ASCC3: variants seen among roughly 807,000 people sequenced by gnomAD.
ASCC3 encodes the protein ASC-1 complex subunit P200.
ASCC3 carries 158 observed loss-of-function variants against 256.3 expected under a neutral mutation model. The ratio of observed to expected loss-of-function variants is 0.62; its 90% CI spans 0.54 to 0.70. The LOEUF (loss-of-function observed/expected upper bound fraction) is 0.70, where lower values mean the gene tolerates loss of function less well. Among genes scored for constraint, ASCC3 ranks in the 30% least tolerant of loss-of-function variants. The pLI, the probability that ASCC3 is intolerant of heterozygous loss-of-function variation, is 0.00. For synonymous variants in ASCC3, 948 were observed against 883.4 expected (o/e 1.07, Z -1.30); for missense variants, 2,259 against 2,626.0 (o/e 0.86, Z 3.05).
intron 8 of ASCC3, among the ~76,000 whole-genome samples, chr6:100,772,309 T>C (rs1781977875): frequency 6.6e-6 from 1 of 152,174 alleles, no homozygotes; most frequent in South Asian, 2.1e-4. Context: ...TTTGAGGCTC[T>C]ACCCAAGAGA....
At chr6:100,692,029 G>A (rs1216584187) in intron 13 of ASCC3, among the ~76,000 whole-genome samples, 1 of 152,016 alleles carries the variant, frequency 6.6e-6, no homozygotes, top group Non-Finnish European at 1.5e-5. Context: ...GTAGGCCAAC[G>A]TTTAGTTGTT....
At chr6:100,666,143 A>G (rs1477082640) in intron 14 of ASCC3, among the ~76,000 whole-genome samples, 4 of 152,070 alleles carry the variant, frequency 2.6e-5, no homozygotes, top group Non-Finnish European at 5.9e-5. Flanking sequence ...GCATATATCA[A>G]TATCTCATTC....
At chr6:100,690,344 C>T (rs1257708376) in intron 13 of ASCC3, among the ~76,000 whole-genome samples, 1 of 152,008 alleles carries the variant, frequency 6.6e-6, no homozygotes, top group Non-Finnish European at 1.5e-5. Flanking sequence ...GTTGAATCCA[C>T]AAATGTAGAA....
At chr6:100,584,829 T>A (rs904661830) in intron 36 of ASCC3, among the ~76,000 whole-genome samples, 1 of 152,188 alleles carries the variant, frequency 6.6e-6, no homozygotes, top group Non-Finnish European at 1.5e-5. Context: ...ATTTTATTTC[T>A]CCTTCAGTTA....
At chr6:100,530,929 C>T (rs1774839686) in intron 37 of ASCC3, 2 of 1,365,020 alleles carry the variant, frequency 1.5e-6, no homozygotes, top group South Asian at 1.2e-5. Context: ...TTCTTTTAGA[C>T]TTCAGTACAG....
intron 30 of ASCC3, among the ~76,000 whole-genome samples, chr6:100,622,631 GA>G (rs1443130470): frequency 1.1e-4 from 16 of 150,646 alleles, no homozygotes; most frequent in Non-Finnish European, 2.1e-4. Context: ...AAAAGTTGAA[GA>G]AAAAAATATA....
chr6:100,543,341 C>T (rs998238487), intron 36 of ASCC3, among the ~76,000 whole-genome samples: 1 of 152,060 alleles, frequency 6.6e-6, no homozygotes, highest in African/African-American at 2.4e-5. Context: ...TATTTTCGAT[C>T]TGCAATTGAT....
chr6:100,732,179 A>AAG, intron 10 of ASCC3, among the ~76,000 whole-genome samples: 1 of 151,740 alleles, frequency 6.6e-6, no homozygotes, highest in East Asian at 1.9e-4. Flanking sequence ...AAAAAAAAAA[A>AAG]AAAGAAGAAG....
chr6:100,723,887 TA>T (rs1562251349), intron 11 of ASCC3, among the ~76,000 whole-genome samples: 63 of 138,844 alleles, frequency 4.5e-4, no homozygotes, highest in Non-Finnish European at 7.3e-4. Flanking sequence ...TATATATATA[TA>T]TATATATATT....
In ASCC3 at chr6:100,682,515, A is replaced by G. The variant is rs549675130; in HGVS notation, c.2152-2763T>C. 2.0e-4 allele frequency among the ~76,000 whole-genome samples: 31 copies of G among 152,316 alleles called. No individual in the cohort carries two copies. In the South Asian group the frequency reaches 6.4e-3, roughly 32 times the overall value. On this transcript the variant is annotated intron_variant, in intron 13 of 41. Transcript: ENST00000369162. The stretch of plus-strand genomic sequence containing the variant: ...TACACATAACTTAGGCAGTTGAACC[A>G]AAGAGAAGATAACATGTGGATAACG...
intron 36 of ASCC3, among the ~76,000 whole-genome samples, chr6:100,584,798 G>A (rs1287801355): frequency 6.6e-6 from 1 of 151,908 alleles, no homozygotes; most frequent in East Asian, 1.9e-4. Context: ...AAATCTCTCA[G>A]CATTTGCTTG....
At chr6:100,784,593 G>A (rs1459092079) in intron 8 of ASCC3, among the ~76,000 whole-genome samples, 1 of 151,886 alleles carries the variant, frequency 6.6e-6, no homozygotes, top group Non-Finnish European at 1.5e-5. Context: ...AGAAAAATGT[G>A]TCTAAAAGAG....
chr6:100,702,824 T>C (rs1433849276), intron 13 of ASCC3, among the ~76,000 whole-genome samples: 1 of 152,206 alleles, frequency 6.6e-6, no homozygotes, highest in African/African-American at 2.4e-5. Flanking sequence ...GGGAATTTTA[T>C]CTTTTTGTAA....
intron 36 of ASCC3, among the ~76,000 whole-genome samples, chr6:100,564,989 A>T (rs1770157032): frequency 6.6e-6 from 1 of 152,188 alleles, no homozygotes; most frequent in African/African-American, 2.4e-5. Context: ...TTTTATAAAT[A>T]CTTAGACTTT....
chr6:100,591,535 T>TA (rs1399260243), intron 34 of ASCC3, among the ~76,000 whole-genome samples: 3 of 152,030 alleles, frequency 2.0e-5, no homozygotes, highest in Admixed American at 6.6e-5. Flanking sequence ...ACATAGCTGA[T>TA]AAAGTTATTT....
chr6:100,795,448 G>A (rs899100082), intron 8 of ASCC3, among the ~76,000 whole-genome samples: 3 of 151,988 alleles, frequency 2.0e-5, no homozygotes, highest in Non-Finnish European at 2.9e-5. Flanking sequence ...GATAACATTT[G>A]AGCCTATATG....
intron 30 of ASCC3, among the ~76,000 whole-genome samples, chr6:100,622,468 C>A (rs1259341257): frequency 6.6e-6 from 1 of 152,006 alleles, no homozygotes; most frequent in Non-Finnish European, 1.5e-5. Flanking sequence ...TTTCCTGAAA[C>A]CTCCCCAGCC....
At chr6:100,816,536 T>A (rs1070990) in intron 4 of ASCC3, among the ~76,000 whole-genome samples, 80,905 of 151,958 alleles carry the variant, frequency 0.53, 21,696 homozygotes, top group East Asian at 0.72. Context: ...GACTGGACAA[T>A]GAAAATGTGG....
At chr6:100,735,096 G>T (rs918301130) in intron 10 of ASCC3, among the ~76,000 whole-genome samples, 5 of 152,042 alleles carry the variant, frequency 3.3e-5, no homozygotes, top group Non-Finnish European at 7.4e-5. Flanking sequence ...TTATTTTAAT[G>T]ACATATAATT....
Sources: allele counts gnomAD v4.1 joint callset (sites outside exome capture counted in the v4.1 genomes callset), GRCh38; gene constraint gnomAD v4.1.1; transcripts MANE v1.5; gene names NCBI Gene and HGNC (gene_info 2026-07-23, HGNC 2026-07-21).